Variants in RNLS observed in about 807,000 individuals in gnomAD.
RNLS encodes renalase.
A neutral mutation model predicts 39.8 loss-of-function variants in RNLS; 39 were observed. The ratio of observed to expected loss-of-function variants is 0.98; its 90% CI spans 0.76 to 1.28. The LOEUF (loss-of-function observed/expected upper bound fraction) is 1.28, where lower values mean the gene tolerates loss of function less well. RNLS is among the 50% of genes most tolerant of loss of function. RNLS has a pLI of 0.00. For synonymous variants in RNLS, 147 were observed against 150.7 expected, an observed-to-expected ratio of 0.98 and a Z score of 0.18; for missense variants, 410 against 413.3, an observed-to-expected ratio of 0.99 and a Z score of 0.07.
chr10:88,298,583 A>C (rs1297066177), intron 6 of RNLS, among the ~76,000 whole-genome samples: 1 of 152,202 alleles, frequency 6.6e-6, no homozygotes, highest in African/African-American at 2.4e-5. Flanking sequence ...TATATAAGGA[A>C]AAGATTATTC....
At chr10:88,580,973 TC>T (rs1203025394) in intron 3 of RNLS, among the ~76,000 whole-genome samples, 20 of 152,088 alleles carry the variant, frequency 1.3e-4, no homozygotes, top group Non-Finnish European at 2.4e-4. Context: ...GAGGAATTGA[TC>T]CTAAATAAAG....
intron 4 of RNLS, among the ~76,000 whole-genome samples, chr10:88,374,764 G>A (rs1345331799): frequency 6.6e-6 from 1 of 152,134 alleles, no homozygotes; most frequent in Non-Finnish European, 1.5e-5. Context: ...GTTACCTGCT[G>A]AAATCTCTTC....
chr10:88,247,540 A>G, the RNLS span, among the ~76,000 whole-genome samples: 1 of 152,172 alleles, frequency 6.6e-6, no homozygotes, highest in Non-Finnish European at 1.5e-5. Flanking sequence ...CTCGTCTGTA[A>G]AACAGGAACA....
chr10:88,513,707 T>G (rs79824717), intron 4 of RNLS, among the ~76,000 whole-genome samples: 9 of 152,150 alleles, frequency 5.9e-5, no homozygotes, highest in Admixed American at 5.3e-4. Context: ...CACACATGTA[T>G]GCATATTTCC....
At chr10:88,192,637 G>A in the RNLS span, among the ~76,000 whole-genome samples, 21 of 152,218 alleles carry the variant, frequency 1.4e-4, no homozygotes, top group African/African-American at 3.9e-4. Context: ...CCCTGAATGC[G>A]TTCATGGAAC....
At chr10:88,345,899 G>A (rs1441460592) in intron 5 of RNLS, among the ~76,000 whole-genome samples, 1 of 152,028 alleles carries the variant, frequency 6.6e-6, no homozygotes, top group Non-Finnish European at 1.5e-5. Context: ...TATGAAAATA[G>A]GTCTGTGTGA....
At chr10:88,492,479 C>T (rs1252331252) in intron 4 of RNLS, among the ~76,000 whole-genome samples, 4 of 144,950 alleles carry the variant, frequency 2.8e-5, no homozygotes, top group African/African-American at 5.1e-5. Flanking sequence ...AGTGCAGTGG[C>T]GTGATCTAGG....
intron 4 of RNLS, among the ~76,000 whole-genome samples, chr10:88,568,115 G>A: frequency 6.6e-6 from 1 of 152,122 alleles, no homozygotes; most frequent in Non-Finnish European, 1.5e-5. Context: ...GAAAATAAGT[G>A]AAATCTGTGC....
At chr10:88,448,961 G>T (rs1564807970) in intron 4 of RNLS, among the ~76,000 whole-genome samples, 1 of 152,158 alleles carries the variant, frequency 6.6e-6, no homozygotes, top group Non-Finnish European at 1.5e-5. Context: ...AGAACACTTG[G>T]ACACAGGAAG....
intron 4 of RNLS, among the ~76,000 whole-genome samples, chr10:88,488,805 A>G (rs889271356): frequency 3.9e-5 from 6 of 152,324 alleles, no homozygotes; most frequent in African/African-American, 1.4e-4. Context: ...TTTGGCTTCA[A>G]TTAAAATGTT....
chr10:88,543,346 C>A (rs1340121282), intron 4 of RNLS, among the ~76,000 whole-genome samples: 3 of 152,118 alleles, frequency 2.0e-5, no homozygotes, highest in Non-Finnish European at 4.4e-5. Context: ...TGATAACTGT[C>A]AGGAACAACC....
intron 4 of RNLS, among the ~76,000 whole-genome samples, chr10:88,518,992 C>G (rs573942166): frequency 8.6e-5 from 13 of 152,026 alleles, no homozygotes; most frequent in African/African-American, 2.4e-4. Context: ...AAGGAGAAAA[C>G]TAATACTTTC....
At chr10:88,318,334 TGAA>T (rs1845919610) in intron 5 of RNLS, among the ~76,000 whole-genome samples, 1 of 152,088 alleles carries the variant, frequency 6.6e-6, no homozygotes, top group Admixed American at 6.5e-5. Flanking sequence ...ACAAAGGAAA[TGAA>T]GGAAGTGGCA....
the RNLS span, among the ~76,000 whole-genome samples, chr10:88,261,917 G>A: frequency 6.6e-6 from 1 of 152,308 alleles, no homozygotes; most frequent in African/African-American, 2.4e-5. Context: ...CTTTTAGATG[G>A]AGGAGTGGGA....
Position 88,573,068 on chromosome 10 carries a change from C to T in RNLS, c.368-7G>A. ...CTGAAGTAGACTTCTGCACCTGTTC[C>T]AAAAGCAAAATCATGTCCCCATTAT... On this transcript the variant is annotated splice_region_variant and splice_polypyrimidine_tract_variant and intron_variant, in intron 3 of 6. Coordinates refer to ENST00000331772, the MANE Select transcript of RNLS (RefSeq NM_001031709.3). 6.2e-7 allele frequency: 1 copy of T among 1,611,736 alleles called. No homozygotes were observed. Among genetic ancestry groups the T allele is most frequent in the Non-Finnish European group, 8.5e-7 (1 of 1,178,442 alleles).
intron 6 of RNLS, among the ~76,000 whole-genome samples, chr10:88,308,506 A>C (rs73360762): frequency 6.6e-6 from 1 of 152,294 alleles, no homozygotes; most frequent in East Asian, 1.9e-4. Context: ...GCAGACATAC[A>C]TATGGCCAAA....
chr10:88,188,893 C>G, the RNLS span, among the ~76,000 whole-genome samples: 1 of 152,048 alleles, frequency 6.6e-6, no homozygotes, highest in African/African-American at 2.4e-5. Context: ...AATCTCTGTG[C>G]TTTTTGTAGG....
chr10:88,493,206 T>C (rs576806513), intron 4 of RNLS, among the ~76,000 whole-genome samples: 14 of 152,296 alleles, frequency 9.2e-5, no homozygotes, highest in South Asian at 4.1e-4. Flanking sequence ...TTAAAATGGA[T>C]AATAAATGAA....
At chr10:88,498,767 T>C in intron 4 of RNLS, among the ~76,000 whole-genome samples, 1 of 151,992 alleles carries the variant, frequency 6.6e-6, no homozygotes, top group East Asian at 1.9e-4. Context: ...GACTAATGTG[T>C]GTATATACGT....
Sources: gnomAD v4.1 joint callset for allele counts (sites outside exome capture counted in the v4.1 genomes callset) on GRCh38, gnomAD v4.1.1 for gene constraint, MANE v1.5 for transcripts, NCBI Gene and HGNC (gene_info 2026-07-23, HGNC 2026-07-21) for gene names.